Variants in DOP1A observed in about 807,000 individuals in gnomAD.
DOP1A encodes DOP1 leucine zipper like protein A.
A neutral mutation model predicts 267.6 loss-of-function variants in DOP1A; 90 were observed. That is an observed-to-expected ratio of 0.34 (90% CI 0.28 to 0.40). The LOEUF (loss-of-function observed/expected upper bound fraction) is 0.40, where lower values mean the gene tolerates loss of function less well. DOP1A is among the 10% of genes least tolerant of loss of function. The pLI is 1.00. For synonymous variants in DOP1A, 932 were observed against 999.1 expected, an observed-to-expected ratio of 0.93 and a Z score of 1.27; for missense variants, 2,437 against 2,900.4, an observed-to-expected ratio of 0.84 and a Z score of 3.67.
chr6:83,076,381 G>A (rs1015599309), intron 1 of DOP1A, among the ~76,000 whole-genome samples: 3 of 152,122 alleles, frequency 2.0e-5, no homozygotes, highest in Admixed American at 1.3e-4. Flanking sequence ...AATTAGCTGG[G>A]CGTGGTGGTG....
At chr6:83,166,762 T>C (rs1476588947) in intron 38 of DOP1A, 1 of 1,098,136 alleles carries the variant, frequency 9.1e-7, no homozygotes, top group East Asian at 5.8e-5. Context: ...AGCTGGATTT[T>C]GCATCTGCTT....
intron 27 of DOP1A, among the ~76,000 whole-genome samples, chr6:83,150,794 A>AT (rs1185719478): frequency 1.3e-5 from 2 of 152,194 alleles, no homozygotes; most frequent in African/African-American, 2.4e-5. Flanking sequence ...ACAATTTAAG[A>AT]TTTTTTAAAC....
At chr6:83,074,114 C>T (rs1456834337) in intron 1 of DOP1A, among the ~76,000 whole-genome samples, 1 of 152,060 alleles carries the variant, frequency 6.6e-6, no homozygotes, top group Non-Finnish European at 1.5e-5. Flanking sequence ...ACTCAGTATG[C>T]AGTATATACA....
chr6:83,124,747 T>C lies in DOP1A; in HGVS notation c.1383T>C (p.Ser461=), dbSNP rs766533727. Residue 461 remains serine, a synonymous_variant, in exon 13 of 39, where the codon AGT becomes AGC. Coordinates refer to ENST00000349129, the MANE Select transcript of DOP1A (RefSeq NM_015018.4). ...GACTTCAGATTGGACCTGGAGATAG[T>C]AATGACTCATCTGAATTACAGCTGA... The part of the protein sequence containing the change: ...HVRLQIGPGD[S]NDSSELQLTN... 6.2e-7 allele frequency: 1 copy of C among 1,613,244 alleles called. No homozygotes were observed. The highest frequency in any genetic ancestry group is 1.1e-5 in the South Asian group (1 of 90,924).
intron 15 of DOP1A, 150 bp downstream of exon 15, chr6:83,125,883 G>T: frequency 1.5e-6 from 1 of 654,542 alleles, no homozygotes; most frequent in South Asian, 2.6e-5. Context: ...GTAGGCTTTT[G>T]GTTATAGGGC....
chr6:83,158,635 T>G lies in DOP1A; in HGVS notation c.6797+13T>G. 1.3e-6 allele frequency: 2 copies of G among 1,583,176 alleles called. No homozygotes were observed. Among genetic ancestry groups the G allele is most frequent in the Non-Finnish European group, 1.7e-6 (2 of 1,156,252 alleles). On this transcript the variant is annotated intron_variant, in intron 36 of 38. Coordinates refer to ENST00000349129, the MANE Select transcript of DOP1A (RefSeq NM_015018.4). ...AAGATATTTCACGGTAATATGTAATTTAAATATATTGTTGTCCATTTTTTA... is the reference window on the plus strand; with the variant it reads ...AAGATATTTCACGGTAATATGTAATGTAAATATATTGTTGTCCATTTTTTA...
At chr6:83,151,554 T>G in intron 27 of DOP1A, 39 bp from the exon 28 acceptor site, 5 of 1,537,482 alleles carry the variant, frequency 3.3e-6, no homozygotes, top group Non-Finnish European at 4.4e-6. Context: ...TCTTTTAGCC[T>G]GATATTTCCC....
In DOP1A at chr6:83,164,908, G is replaced by A. The variant is rs569446039; in HGVS notation, c.7092+1989G>A. 2.1e-5 allele frequency: 12 copies of A among 563,954 alleles called. No homozygotes were observed. The East Asian group carries it at 3.6e-4, about 17-fold the overall frequency. The allele number at this position is 563,954 out of a possible 1,614,324, so 34.9% of individuals were successfully genotyped here. A position where few individuals can be genotyped will look rare whatever the true frequency, so the allele number is the denominator to read the frequency against. On this transcript the variant is annotated intron_variant, in intron 38 of 38. Coordinates refer to ENST00000349129, the MANE Select transcript of DOP1A (RefSeq NM_015018.4). ...AACATTTGACTTTATTTAATATTGA[G>A]ACAATACATATAGTTCTGATTAAGA...
intron 4 of DOP1A, among the ~76,000 whole-genome samples, chr6:83,106,093 T>C (rs1773565016): frequency 6.6e-6 from 1 of 152,360 alleles, no homozygotes; most frequent in Non-Finnish European, 1.5e-5. Context: ...TTTTAATTAA[T>C]GATTTTTTCA....
At chr6:83,088,419 CTTTTTTTTTTTT>C (rs746293399) in intron 1 of DOP1A, among the ~76,000 whole-genome samples, 4 of 115,584 alleles carry the variant, frequency 3.5e-5, no homozygotes, top group Admixed American at 2.7e-4. Flanking sequence ...TGTCTTCCAT[CTTTTTTTTTTTT>C]TTTTTTTTTT....
At position 83,138,361 on chromosome 6, in the gene DOP1A, C is replaced by T; in HGVS notation, c.4319C>T (p.Pro1440Leu). The T allele has an allele frequency of 6.2e-7, 1 of 1,611,028 alleles. No homozygotes were observed. Among genetic ancestry groups the T allele is most frequent in the African/African-American group, 1.3e-5 (1 of 75,024 alleles). The change falls in exon 21 of 39, where the codon CCA becomes CTA. Residue 1440 changes from proline (P) to leucine (L), a missense_variant. Pro to Leu is a moderately conservative substitution (Grantham distance 98). Transcript: ENST00000349129. ...VMGKDFYSHI[P>L]VDSNHNFRSS... ...GGCAAAGATTTTTATAGTCACATTC[C>T]AGTGGACTCAAATCATAACTTCCGG...
chr6:83,089,946 A>C (rs1317562104), intron 1 of DOP1A, among the ~76,000 whole-genome samples: 1 of 152,186 alleles, frequency 6.6e-6, no homozygotes, highest in Non-Finnish European at 1.5e-5. Context: ...CAAAGCCATA[A>C]AACATGTTTG....
At chr6:83,166,558 CAA>C (rs368890859) in intron 38 of DOP1A, 3 of 578,000 alleles carry the variant, frequency 5.2e-6, no homozygotes, top group South Asian at 5.3e-5. Context: ...AAGTCATTAG[CAA>C]AAAAAAAGTG....
At chr6:83,140,170 A>G (rs1465627742) in intron 22 of DOP1A, 51 bp from the exon 23 acceptor site, 1 of 1,605,788 alleles carries the variant, frequency 6.2e-7, no homozygotes, top group Non-Finnish European at 8.5e-7. Flanking sequence ...ATAAATTTCC[A>G]TTTGTAAATC....
At chr6:83,113,819 C>G (rs1480177215) in intron 7 of DOP1A, among the ~76,000 whole-genome samples, 2 of 152,132 alleles carry the variant, frequency 1.3e-5, no homozygotes, top group East Asian at 3.8e-4. Flanking sequence ...ACTTAAGAGC[C>G]ACATGTTTAG....
intron 37 of DOP1A, 46 bp from the exon 38 acceptor site, chr6:83,162,744 C>A: frequency 1.9e-6 from 3 of 1,558,128 alleles, no homozygotes; most frequent in South Asian, 1.2e-5. Flanking sequence ...TCTTAGATGG[C>A]ACAAAGTCTG....
intron 36 of DOP1A, among the ~76,000 whole-genome samples, chr6:83,159,580 T>A (rs544059976): frequency 2.4e-4 from 36 of 152,292 alleles, no homozygotes; most frequent in Admixed American, 1.9e-3. Context: ...CAGAAGCCAC[T>A]GCGCCCAGTC....
In DOP1A at chr6:83,075,765, T is replaced by C. The variant is rs112155071; in HGVS notation, c.-147+7986T>C. ...AGGAAAGGATAGCCTCTTCACCAGA[T>C]AGTGTTGGGAAAAACTGATATCCCT... On this transcript the variant is annotated intron_variant, in intron 1 of 38. Transcript: ENST00000349129. 8.8e-3 allele frequency among the ~76,000 whole-genome samples: 1,344 copies of C among 152,274 alleles called. 18 individuals are homozygous for C. Among genetic ancestry groups the C allele is most frequent in the African/African-American group, 0.031 (1,275 of 41,542 alleles).
intron 1 of DOP1A, among the ~76,000 whole-genome samples, chr6:83,086,562 G>C (rs1413474661): frequency 6.6e-6 from 1 of 152,084 alleles, no homozygotes; most frequent in African/African-American, 2.4e-5. Flanking sequence ...ATAGAAAAGA[G>C]AAGCCAACAT....
Sources: allele counts gnomAD v4.1 joint callset (sites outside exome capture counted in the v4.1 genomes callset), GRCh38; gene constraint gnomAD v4.1.1; transcripts MANE v1.5; gene names NCBI Gene and HGNC (gene_info 2026-07-23, HGNC 2026-07-21).